Variants in CELF2 observed in about 807,000 individuals in gnomAD.
CELF2 encodes the protein CUGBP Elav-like family member 2, also known as CUG triplet repeat RNA-binding protein 2.
Under a neutral mutation model 62.6 loss-of-function variants are expected in CELF2, and 8 were observed. The ratio of observed to expected loss-of-function variants is 0.13; its 90% CI spans 0.07 to 0.23. The LOEUF (loss-of-function observed/expected upper bound fraction) is 0.23, where lower values mean the gene tolerates loss of function less well. CELF2 is among the 10% of genes least tolerant of loss of function. The pLI is 1.00. For missense variants in CELF2, 333 were observed against 671.0 expected (o/e 0.50, Z 5.56); for synonymous variants, 258 against 250.0 (o/e 1.03, Z -0.30).
At chr10:11,326,113 T>C (rs2095710619) in intron 12 of CELF2, 134 bp downstream of exon 12, 1 of 901,430 alleles carries the variant, frequency 1.1e-6, no homozygotes, top group African/African-American at 1.7e-5. Flanking sequence ...TTCTGGATCC[T>C]TGTAAGCAGA....
chr10:11,113,706 C>T (rs528889646), intron 1 of CELF2, among the ~76,000 whole-genome samples: 3 of 152,288 alleles, frequency 2.0e-5, no homozygotes, highest in East Asian at 1.9e-4. Flanking sequence ...TTATTAAATA[C>T]GACAGTCCAC....
upstream of CELF2, among the ~76,000 whole-genome samples, chr10:11,003,215 G>A (rs1564342825): frequency 1.3e-5 from 2 of 152,164 alleles, no homozygotes; most frequent in East Asian, 1.9e-4. The surrounding 1 kb of genome is among the most constrained non-coding windows in gnomAD (Gnocchi z 4.4). Flanking sequence ...AGTGGAGAGA[G>A]TATAAAATAT....
intron 2 of CELF2, among the ~76,000 whole-genome samples, chr10:10,926,717 A>T (rs191834558): frequency 6.6e-6 from 1 of 152,122 alleles, no homozygotes; most frequent in Non-Finnish European, 1.5e-5. Context: ...GGTTTCTGGT[A>T]TTCTCAGCCT....
the CELF2 span, among the ~76,000 whole-genome samples, chr10:10,739,563 A>G: frequency 6.6e-6 from 1 of 152,328 alleles, no homozygotes; most frequent in African/African-American, 2.4e-5. Flanking sequence ...TGAAAGGATC[A>G]AAGCTGGAAA....
At chr10:11,295,740 T>A (rs911477720) in intron 9 of CELF2, among the ~76,000 whole-genome samples, 2 of 152,160 alleles carry the variant, frequency 1.3e-5, no homozygotes, top group Admixed American at 1.3e-4. Flanking sequence ...ACTGATACTG[T>A]TGGGGAGAAC....
intron 1 of CELF2, among the ~76,000 whole-genome samples, chr10:10,844,193 T>C (rs1034561309): frequency 7.2e-5 from 11 of 152,050 alleles, no homozygotes; most frequent in African/African-American, 2.4e-4. Context: ...CTCTGACCAA[T>C]ATATAAGAGT....
At chr10:10,646,216 T>G in the CELF2 span, among the ~76,000 whole-genome samples, 1 of 152,144 alleles carries the variant, frequency 6.6e-6, no homozygotes, top group African/African-American at 2.4e-5. Flanking sequence ...GAGTCTGGAA[T>G]GGGGACAGAA....
At chr10:11,256,922 C>T (rs1458752626) in intron 4 of CELF2, among the ~76,000 whole-genome samples, 4 of 152,008 alleles carry the variant, frequency 2.6e-5, no homozygotes, top group African/African-American at 4.8e-5. Context: ...TCTTGCCTCC[C>T]GGTGGCTAGT....
At chr10:10,708,938 A>C in the CELF2 span, among the ~76,000 whole-genome samples, 1 of 152,194 alleles carries the variant, frequency 6.6e-6, no homozygotes, top group Non-Finnish European at 1.5e-5. Flanking sequence ...ATCTAGAAAA[A>C]TGAATGCGTC....
chr10:10,686,894 C>G, the CELF2 span, among the ~76,000 whole-genome samples: 4 of 152,250 alleles, frequency 2.6e-5, no homozygotes, highest in African/African-American at 9.6e-5. Context: ...CCATGCCCAG[C>G]CTTATCTTCT....
At chr10:10,861,367 C>T (rs188329194) in intron 1 of CELF2, among the ~76,000 whole-genome samples, 19 of 152,302 alleles carry the variant, frequency 1.2e-4, no homozygotes, top group Non-Finnish European at 2.2e-4. Flanking sequence ...AACCACTGTG[C>T]CTGGCCAAGA....
At chr10:10,782,293 C>T in the CELF2 span, among the ~76,000 whole-genome samples, 2 of 152,150 alleles carry the variant, frequency 1.3e-5, no homozygotes, top group Non-Finnish European at 2.9e-5. Flanking sequence ...AAATTCAGTT[C>T]GAGGACAGAG....
At chr10:10,962,749 G>A (rs1029514241) in intron 2 of CELF2, among the ~76,000 whole-genome samples, 5 of 152,082 alleles carry the variant, frequency 3.3e-5, no homozygotes, top group African/African-American at 1.2e-4. Flanking sequence ...GTCTTTTTCA[G>A]CAACTAAAGA....
rs1233309811 is a variant in CELF2 at position 11,039,337 on chromosome 10, G to A, written c.74+21174G>A. ...GGGGCACCTCCCATGCCAGGATTTG[G>A]GATGTAAGCTCATCTCAAATGTAGC... On this transcript the variant is annotated intron_variant, in intron 1 of 12. Coordinates refer to ENST00000633077, the MANE Select transcript of CELF2 (RefSeq NM_001326342.2). The surrounding 1 kb of genome is among the most constrained non-coding windows in gnomAD (Gnocchi z 4.1). 6.6e-6 allele frequency among the ~76,000 whole-genome samples: 1 copy of A among 152,122 alleles called. No homozygotes were observed. Among genetic ancestry groups the A allele is most frequent in the African/African-American group, 2.4e-5 (1 of 41,424 alleles).
chr10:10,949,826 C>CAAAAAAAAAA (rs35952853), intron 2 of CELF2, among the ~76,000 whole-genome samples: 1 of 82,266 alleles, frequency 1.2e-5, no homozygotes, highest in African/African-American at 4.4e-5. Context: ...ACACACACAC[C>CAAAAAAAAAA]AAAAAAAAAA....
At chr10:11,163,127 G>T (rs2066106416) in intron 1 of CELF2, among the ~76,000 whole-genome samples, 1 of 152,210 alleles carries the variant, frequency 6.6e-6, no homozygotes, top group African/African-American at 2.4e-5. Context: ...TTTCGAAAAA[G>T]AGTAAATGGC....
the CELF2 span, among the ~76,000 whole-genome samples, chr10:10,744,238 A>G: frequency 1.3e-5 from 2 of 152,182 alleles, no homozygotes; most frequent in Non-Finnish European, 2.9e-5. Context: ...CTCCTCTCTG[A>G]GTTTAAAAAA....
chr10:11,072,280 A>G (rs1490382752), intron 1 of CELF2, among the ~76,000 whole-genome samples: 2 of 152,090 alleles, frequency 1.3e-5, no homozygotes, highest in Non-Finnish European at 2.9e-5. Flanking sequence ...TCTAATGTTA[A>G]CTTATAGAAC....
intron 1 of CELF2, among the ~76,000 whole-genome samples, chr10:11,072,605 C>T (rs2141027599): frequency 6.6e-6 from 1 of 152,300 alleles, no homozygotes; most frequent in Admixed American, 6.5e-5. Context: ...GACAAACCAG[C>T]ATTATTGCCT....
Sources: allele counts gnomAD v4.1 joint callset (sites outside exome capture counted in the v4.1 genomes callset), GRCh38; gene constraint gnomAD v4.1.1; non-coding constraint Gnocchi (gnomAD v3.1); transcripts MANE v1.5; gene names NCBI Gene and HGNC (gene_info 2026-07-23, HGNC 2026-07-21).